The following NRG1 variants were observed in gnomAD, a reference collection of about 807,000 sequenced individuals.
The protein encoded by NRG1 is pro-neuregulin-1, membrane-bound isoform.
Under a neutral mutation model 63.8 loss-of-function variants are expected in NRG1, and 18 were observed. That is an observed-to-expected ratio of 0.28 (90% confidence interval 0.19 to 0.42). The LOEUF (loss-of-function observed/expected upper bound fraction) is 0.42, where lower values mean the gene tolerates loss of function less well. Ranked by LOEUF, NRG1 falls within the 10% of genes least tolerant of loss-of-function variation. The probability of loss-of-function intolerance (pLI) is 1.00; values close to 1 mark genes in which losing one functional copy is unlikely to be tolerated. For missense variants in NRG1, 762 were observed against 814.7 expected (o/e 0.94, Z 0.79); for synonymous variants, 302 against 301.3 (o/e 1.00, Z -0.02).
At chr8:32,279,144 G>A (rs959176260) in intron 1 of NRG1, among the ~76,000 whole-genome samples, 18 of 152,112 alleles carry the variant, frequency 1.2e-4, no homozygotes, top group African/African-American at 4.1e-4. Context: ...CTGGCCTACC[G>A]CAGAGCTGGC....
At chr8:32,045,579 G>T (rs1171769741) in intron 1 of NRG1, among the ~76,000 whole-genome samples, 1 of 151,916 alleles carries the variant, frequency 6.6e-6, no homozygotes, top group African/African-American at 2.4e-5. Context: ...TTATTAAAAA[G>T]CTTCAGTAAT....
chr8:32,108,952 G>A (rs563734986), intron 1 of NRG1, among the ~76,000 whole-genome samples: 35 of 152,004 alleles, frequency 2.3e-4, no homozygotes, highest in Non-Finnish European at 4.3e-4. Context: ...ATTTGTCAAG[G>A]CAGCAATAAA....
At chr8:32,722,079 A>G in intron 5 of NRG1, 1 of 1,453,914 alleles carries the variant, frequency 6.9e-7, no homozygotes, top group Non-Finnish European at 9.4e-7. Context: ...TGTAGTGACT[A>G]GCAGTTTAAT....
intron 1 of NRG1, among the ~76,000 whole-genome samples, chr8:32,451,355 A>T (rs1005022082): frequency 6.6e-6 from 1 of 152,192 alleles, no homozygotes; most frequent in East Asian, 1.9e-4. Flanking sequence ...ACCTGGATGC[A>T]CTGCTTTGCA....
At chr8:31,932,066 G>A (rs570227282) in intron 1 of NRG1, among the ~76,000 whole-genome samples, 1 of 152,138 alleles carries the variant, frequency 6.6e-6, no homozygotes, top group Admixed American at 6.5e-5. Flanking sequence ...AAAAAGGAAG[G>A]CTCATCTCCT....
rs570162806 is a variant in NRG1, at chr8:31,810,129, C to T, written c.37+170698C>T. ...CATCCAATGTATGAACTTGTGCTCA[C>T]TTTTATGTCCACCTTCAAACAAATA... On this transcript the variant is annotated intron_variant, in intron 1 of 10. Transcript: ENST00000519301. 6.6e-5 allele frequency among the ~76,000 whole-genome samples: 10 copies of T among 152,234 alleles called. No homozygotes were observed. The East Asian group carries it at 9.7e-4, about 15-fold the overall frequency.
intron 1 of NRG1, among the ~76,000 whole-genome samples, chr8:32,402,874 T>C (rs2129484743): frequency 6.6e-6 from 1 of 152,318 alleles, no homozygotes. Flanking sequence ...AGGCATCCAC[T>C]GGGTGTCATG....
chr8:31,994,067 G>C (rs958588235), intron 1 of NRG1, among the ~76,000 whole-genome samples: 6 of 151,944 alleles, frequency 3.9e-5, no homozygotes, highest in South Asian at 2.1e-4. Flanking sequence ...TTAAAGCGAG[G>C]TACAGGGTGC....
At chr8:32,578,470 CTT>C (rs61536571) in intron 1 of NRG1, among the ~76,000 whole-genome samples, 82 of 148,076 alleles carry the variant, frequency 5.5e-4, no homozygotes, top group Middle Eastern at 6.8e-3. Context: ...CTCTGTCCTC[CTT>C]TTTTTTTTTT....
At chr8:32,013,260 G>C (rs1372399132) in intron 1 of NRG1, among the ~76,000 whole-genome samples, 1 of 152,030 alleles carries the variant, frequency 6.6e-6, no homozygotes, top group Non-Finnish European at 1.5e-5. Flanking sequence ...CTGTATCCAA[G>C]ACTGGAAAGA....
chr8:32,742,741 C>CA lies in NRG1; in HGVS notation c.691+9dup. 1.2e-6 allele frequency: 2 copies of CA among 1,613,736 alleles called. No homozygotes were observed. Among genetic ancestry groups the CA allele is most frequent in the Non-Finnish European group, 1.7e-6 (2 of 1,179,730 alleles). On this transcript the variant is annotated intron_variant, in intron 7 of 11. Transcript: ENST00000356819. This position sits in a 1 kb window ranked among gnomAD's most constrained non-coding sequence, Gnocchi z 4.2. ...TAATGGCCAGCTTCTACAGTACGTC[C>CA]ACTCCCTTTCTGTCTCTGCCTGAAT...
chr8:31,929,016 A>T (rs1834650660), intron 1 of NRG1, among the ~76,000 whole-genome samples: 1 of 152,170 alleles, frequency 6.6e-6, no homozygotes, highest in Non-Finnish European at 1.5e-5. Context: ...CCCTAAAGCT[A>T]TTGAAATAAA....
chr8:32,344,370 C>CTT (rs758048298), intron 1 of NRG1, among the ~76,000 whole-genome samples: 2,266 of 46,096 alleles, frequency 0.049, 99 homozygotes, highest in East Asian at 0.077. Flanking sequence ...TTCTTTCTTT[C>CTT]TTTCTTTCTT....
chr8:32,424,189 T>C (rs954552234), intron 1 of NRG1, among the ~76,000 whole-genome samples: 1 of 152,146 alleles, frequency 6.6e-6, no homozygotes, highest in Non-Finnish European at 1.5e-5. Flanking sequence ...TCAAACTGCC[T>C]TCTCCAGTCC....
chr8:32,731,615 G>A lies in NRG1; in HGVS notation c.632+3537G>A, dbSNP rs1035212069. The stretch of plus-strand genomic sequence containing the variant: ...ATCCAAAATACTTCAAACCTTTCTC[G>A]TTACATGAAACTGTTTTTATTTTTT... On this transcript the variant is annotated intron_variant, in intron 6 of 11. Coordinates refer to ENST00000356819, the Ensembl canonical transcript of NRG1. Among the ~76,000 whole-genome samples, 8 of 152,128 alleles carry A rather than the reference G, an allele frequency of 5.3e-5. No homozygotes were observed. In the East Asian group the frequency reaches 9.7e-4, roughly 18 times the overall value.
At chr8:32,621,874 G>A (rs777669563) in intron 5 of NRG1, among the ~76,000 whole-genome samples, 3 of 152,150 alleles carry the variant, frequency 2.0e-5, no homozygotes, top group African/African-American at 4.8e-5. Flanking sequence ...GTCACATAAC[G>A]TTTTGCTGCC....
intron 1 of NRG1, among the ~76,000 whole-genome samples, chr8:32,337,684 C>CAAAAAAAAAAA (rs1586900950): frequency 3.1e-5 from 1 of 32,596 alleles, no homozygotes; most frequent in African/African-American, 1.1e-4. Context: ...AAAAAAAAAG[C>CAAAAAAAAAAA]TGATGCAGTT....
At chr8:32,257,174 A>T (rs374296968) in intron 1 of NRG1, among the ~76,000 whole-genome samples, 2 of 152,274 alleles carry the variant, frequency 1.3e-5, no homozygotes, top group East Asian at 3.9e-4. Flanking sequence ...TCAGACTGCT[A>T]TGCTGGCAGC....
chr8:32,269,141 T>C (rs1362630358), intron 1 of NRG1, among the ~76,000 whole-genome samples: 1 of 152,092 alleles, frequency 6.6e-6, no homozygotes, highest in Non-Finnish European at 1.5e-5. Flanking sequence ...AATATGCTCA[T>C]TATTAGAATA....
Sources: gnomAD v4.1 joint callset for allele counts (sites outside exome capture counted in the v4.1 genomes callset) on GRCh38, gnomAD v4.1.1 for gene constraint, Gnocchi (gnomAD v3.1) non-coding constraint, MANE v1.5 for transcripts, NCBI Gene and HGNC (gene_info 2026-07-23, HGNC 2026-07-21) for gene names.